Variants in LMNTD2 observed in about 807,000 individuals in gnomAD.
The protein encoded by LMNTD2 is lamin tail domain containing 2.
LMNTD2 carries 83 observed loss-of-function variants against 70.1 expected under a neutral mutation model. The ratio of observed to expected loss-of-function variants is 1.18; its 90% CI spans 0.99 to 1.42. LMNTD2 has a LOEUF of 1.42. LMNTD2 is among the 40% of genes most tolerant of loss of function. LMNTD2 has a pLI of 0.00. For synonymous variants in LMNTD2, 534 were observed against 406.1 expected (o/e 1.31, Z -3.79); for missense variants, 1,153 against 905.9 (o/e 1.27, Z -3.50).
At chr11:557,370 C>T (rs1478251557) in intron 7 of LMNTD2, 29 bp downstream of exon 7, 4 of 1,567,826 alleles carry the variant, frequency 2.6e-6, no homozygotes, top group Admixed American at 1.9e-5. Flanking sequence ...CCTTCTGGCC[C>T]CTGGGGAGTC....
intron 1 of LMNTD2, chr11:559,201 C>T: frequency 1.4e-6 from 2 of 1,476,474 alleles, no homozygotes; most frequent in African/African-American, 1.4e-5. Flanking sequence ...CCGTGTGTTT[C>T]TGACCAGGCT....
At chr11:558,321 G>A (rs965330910) in intron 3 of LMNTD2, 73 bp from the exon 4 acceptor site, 6 of 1,517,418 alleles carry the variant, frequency 4.0e-6, no homozygotes, top group African/African-American at 2.7e-5. Context: ...CAGTGGCGAA[G>A]GAGGGGAGAA....
intron 1 of LMNTD2, chr11:560,359 CGGA>C: frequency 1.7e-6 from 2 of 1,167,698 alleles, no homozygotes; most frequent in Non-Finnish European, 2.1e-6. Context: ...AGGAAGGTGT[CGGA>C]GAAGAGCCTC....
chr11:559,371 C>T, intron 1 of LMNTD2: 1 of 1,332,754 alleles, frequency 7.5e-7, no homozygotes, highest in Non-Finnish European at 9.9e-7. Flanking sequence ...CCAAGCAGGC[C>T]TGGGAGGGAA....
chr11:557,977 G>C lies in LMNTD2; in HGVS notation c.462C>G (p.Ala154=), dbSNP rs374918625. The C allele has an allele frequency of 1.9e-6, 3 of 1,600,340 alleles. No homozygotes were observed. Among genetic ancestry groups the C allele is most frequent in the Non-Finnish European group, 1.7e-6 (2 of 1,172,416 alleles). ...QTTRTLQEME[A]ELQNLQKSCL... ...AGGACTTCTGCAAGTTCTGCAGCTC[G>C]GCCTCCATCTCCTGGAGCGTGCGGG... The change falls in exon 5 of 14, where the codon GCC becomes GCG. Residue 154 remains alanine, a synonymous_variant. Coordinates refer to ENST00000329451, the MANE Select transcript of LMNTD2 (RefSeq NM_173573.3).
In LMNTD2 at chr11:557,601, A is replaced by G; in HGVS notation, c.595T>C (p.Ser199Pro). The G allele has an allele frequency of 1.2e-6, 2 of 1,613,314 alleles. No homozygotes were observed. Among genetic ancestry groups the G allele is most frequent in the Non-Finnish European group, 1.7e-6 (2 of 1,179,868 alleles). ...CCGGTGGGGGCCTGAATGTTTTCAG[A>G]GAGGTCGCTTGGGTCCATCAGAGTC... Reference protein sequence around the residue: ...AETLMDPSDLSENIQAPTGEG... With the variant: ...AETLMDPSDLPENIQAPTGEG... The change falls in exon 6 of 14, where the codon TCT (serine) becomes CCT (proline). Residue 199 changes from serine to proline, a missense_variant. Transcript: ENST00000329451.
At position 557,944 on chromosome 11, in the gene LMNTD2, C is replaced by T. The variant is rs1183624282; in HGVS notation, c.495G>A (p.Leu165=). 1 of 1,597,900 alleles carries T rather than the reference C, an allele frequency of 6.3e-7. No individual in the cohort carries two copies. The highest frequency in any genetic ancestry group is 8.5e-7 in the Non-Finnish European group (1 of 1,171,498). ...CCACCCACGAGGAGCGGGCCAGCTGCAGGAGGCAGGACTTCTGCAAGTTCT... is the reference window on the plus strand; with the variant it reads ...CCACCCACGAGGAGCGGGCCAGCTGTAGGAGGCAGGACTTCTGCAAGTTCT... ...ELQNLQKSCL[L]QLARSSWVGR... The change falls in exon 5 of 14, where the codon CTG becomes CTA. Residue 165 remains leucine (L), a synonymous_variant. Transcript: ENST00000329451.
At chr11:559,267 G>A (rs1853123902) in intron 1 of LMNTD2, 2 of 1,487,544 alleles carry the variant, frequency 1.3e-6, no homozygotes, top group Non-Finnish European at 1.8e-6. Context: ...CCACCCAGGT[G>A]CTGGCCCTTT....
Position 556,505 on chromosome 11 carries a change from CCG to C in LMNTD2, c.1058_1059del (p.Pro353ArgfsTer110). On this transcript the variant is annotated frameshift_variant, in exon 9 of 14. Coordinates refer to ENST00000329451, the MANE Select transcript of LMNTD2 (RefSeq NM_173573.3). LOFTEE classifies it high-confidence loss of function. Reference protein sequence around the residue: ...QPCTDPDHWSPELLQSPTGLK... With the variant: ...QPCTDPDHWSXELLQSPTGLK... Reference sequence around the variant, plus strand: ...CTCGCCCCTTACCTCTGCAGGAGTTCCGGGCTCCAGTGGTCCGGGTCTGTGCA... The same window carrying C: ...CTCGCCCCTTACCTCTGCAGGAGTTCGGCTCCAGTGGTCCGGGTCTGTGCA... The C allele has an allele frequency of 6.4e-7, 1 of 1,552,634 alleles. No individual in the cohort carries two copies. The highest frequency in any genetic ancestry group is 8.7e-7 in the Non-Finnish European group (1 of 1,148,082).
rs1212792335 is a variant in LMNTD2, at chr11:555,595, C to G, written c.1575-92G>C. The G allele has an allele frequency of 1.2e-5, 15 of 1,259,866 alleles. No homozygotes were observed. In the African/African-American group the frequency reaches 2.1e-4, roughly 17 times the overall value. 78.0% of individuals were successfully genotyped at this position (1,259,866 alleles called of 1,614,324 possible). Reference sequence around the variant, plus strand: ...CTGGGGCGGGGCAGGGGCCGCGGGGCGTACTGGAGGACCAGGGGGCGGCCG... The same window carrying G: ...CTGGGGCGGGGCAGGGGCCGCGGGGGGTACTGGAGGACCAGGGGGCGGCCG... On this transcript the variant is annotated intron_variant, in intron 12 of 13. Transcript: ENST00000329451.
intron 1 of LMNTD2, 74 bp downstream of exon 1, chr11:560,609 C>T: frequency 7.6e-7 from 1 of 1,318,064 alleles, no homozygotes; most frequent in Non-Finnish European, 9.8e-7. Context: ...AGCCAGAGAC[C>T]CTTCCTGGGC....
At chr11:558,408 C>T in intron 3 of LMNTD2, 160 bp from the exon 4 acceptor site, 1 of 1,080,498 alleles carries the variant, frequency 9.3e-7, no homozygotes, top group South Asian at 1.6e-5. Flanking sequence ...TCCGGCTGGT[C>T]TGGACAAGGG....
rs1332427442 is a variant in LMNTD2, at chr11:558,885, G to T, written c.129C>A (p.Pro43=). ...PTCLPDTTPH[P]APVVCSADPQ... The stretch of plus-strand genomic sequence containing the variant: ...GGTCGGCAGAGCAGACCACCGGTGC[G>T]GGGTGGGGCGTGGTGTCTGGCAGGC... Residue 43 remains proline, a synonymous_variant, in exon 2 of 14, where the codon CCC becomes CCA. Transcript: ENST00000329451. 2.5e-6 allele frequency: 4 copies of T among 1,609,788 alleles called. No homozygotes were observed. The highest frequency in any genetic ancestry group is 2.5e-6 in the Non-Finnish European group (3 of 1,177,902).
At position 555,379 on chromosome 11, in the gene LMNTD2, T is replaced by C; in HGVS notation, c.1699A>G (p.Thr567Ala). 1 of 1,402,450 alleles carries C rather than the reference T, an allele frequency of 7.1e-7. No homozygotes were observed. The highest frequency in any genetic ancestry group is 1.7e-5 in the South Asian group (1 of 60,092). 86.9% of individuals were successfully genotyped at this position (1,402,450 alleles called of 1,614,324 possible). A position where few individuals can be genotyped will look rare whatever the true frequency, so the allele number is the denominator to read the frequency against. The change falls in exon 13 of 14, where the codon ACC becomes GCC. Residue 567 changes from threonine to alanine, a missense_variant. Thr to Ala is a moderately conservative substitution (Grantham distance 58). Transcript: ENST00000329451. ...GCCTCTGCGGGAGGCGACGGCAGGG[T>C]GGGGTCACCCGGGATGGCGGGCAGG... Reference protein sequence around the residue: ...QHLPAIPGDPTLPSPPAEAGL... With the variant: ...QHLPAIPGDPALPSPPAEAGL...
rs747952512 is a variant in LMNTD2 at position 555,844 on chromosome 11, G to A, written c.1464C>T (p.Phe488=). ...ADGTDLSIDR[F]PLPEAGPGAD... ...CGCCGGGCCCGGCCTCAGGGAGCGG[G>A]AAGCGGTCGATGGACAAGTCGGTGC... The change falls in exon 12 of 14, where the codon TTC becomes TTT. Residue 488 remains phenylalanine, a synonymous_variant. Coordinates refer to ENST00000329451, the MANE Select transcript of LMNTD2 (RefSeq NM_173573.3). 30 of 1,554,228 alleles carry A rather than the reference G, an allele frequency of 1.9e-5. No individual in the cohort carries two copies. Among genetic ancestry groups the A allele is most frequent in the Non-Finnish European group, 2.5e-5 (29 of 1,157,302 alleles).
rs768135859 is a variant in LMNTD2, at chr11:556,197, C to T, written c.1252G>A (p.Val418Ile). The T allele has an allele frequency of 1.1e-5, 16 of 1,420,094 alleles. No individual in the cohort carries two copies. Among genetic ancestry groups the T allele is most frequent in the Admixed American group, 9.0e-5 (3 of 33,352 alleles). The allele number at this position is 1,420,094 out of a possible 1,614,324, so 88.0% of individuals were successfully genotyped here. The change falls in exon 10 of 14, where the codon GTC (valine) becomes ATC (isoleucine). Residue 418 changes from valine to isoleucine, a missense_variant. Transcript: ENST00000329451. ...PGTLLAPRHH[V>I]TVWGEATRSA... ...GCTCCCGGGCCGGGGCGCACCGTGA[C>T]GTGGTGCCGCGGGGCCAGCAGCGTG...
At chr11:556,707 G>C in intron 8 of LMNTD2, 119 bp from the exon 9 acceptor site, 1 of 1,416,388 alleles carries the variant, frequency 7.1e-7, no homozygotes, top group Non-Finnish European at 9.3e-7. Flanking sequence ...GCCAGGGTCA[G>C]ATGGGGCAGG....
At chr11:559,369 G>T (rs1340378214) in intron 1 of LMNTD2, 1 of 1,333,166 alleles carries the variant, frequency 7.5e-7, no homozygotes, top group Non-Finnish European at 9.9e-7. Context: ...CTCCAAGCAG[G>T]CCTGGGAGGG....
In LMNTD2 at chr11:560,688, C is replaced by T. The variant is rs760135985; in HGVS notation, c.29G>A (p.Arg10His). The change falls in exon 1 of 14, where the codon CGT (arginine) becomes CAT (histidine). Residue 10 changes from arginine to histidine, a missense_variant. Coordinates refer to ENST00000329451, the MANE Select transcript of LMNTD2 (RefSeq NM_173573.3). The stretch of plus-strand genomic sequence containing the variant: ...GAGCGGGGCCAGACACCTACCCCGA[C>T]GCCTGCCCGCGGGCCGCAGCCACCG... MRWLRPAGR[R>H]REQESVSGHL... 3 of 1,439,262 alleles carry T rather than the reference C, an allele frequency of 2.1e-6. No homozygotes were observed. Among genetic ancestry groups the T allele is most frequent in the Non-Finnish European group, 1.8e-6 (2 of 1,087,402 alleles). The allele number at this position is 1,439,262 out of a possible 1,614,324, so 89.2% of individuals were successfully genotyped here.
Sources: allele counts gnomAD v4.1 joint callset, GRCh38; gene constraint gnomAD v4.1.1; transcripts MANE v1.5; gene names NCBI Gene and HGNC (gene_info 2026-07-23, HGNC 2026-07-21).